PDE3B: variants seen among roughly 807,000 people sequenced by gnomAD.
PDE3B encodes the protein cGMP-inhibited 3',5'-cyclic phosphodiesterase 3B.
A neutral mutation model predicts 116.8 loss-of-function variants in PDE3B; 66 were observed. The ratio of observed to expected loss-of-function variants is 0.56; its 90% confidence interval spans 0.46 to 0.69. PDE3B has a LOEUF of 0.69. Ranked by LOEUF, PDE3B falls within the 30% of genes least tolerant of loss-of-function variation. The pLI is 0.00. For synonymous variants in PDE3B, 595 were observed against 533.6 expected, an observed-to-expected ratio of 1.12 and a Z score of -1.59; for missense variants, 1,384 against 1,368.1, an observed-to-expected ratio of 1.01 and a Z score of -0.18.
At chr11:14,793,987 A>C (rs1290117508) in intron 4 of PDE3B, among the ~76,000 whole-genome samples, 1 of 152,232 alleles carries the variant, frequency 6.6e-6, no homozygotes, top group Non-Finnish European at 1.5e-5. Flanking sequence ...TATCAAGTTT[A>C]TACAACTGCA....
chr11:14,871,125 G>A lies in PDE3B; in HGVS notation c.*1465G>A, dbSNP rs569550112. On this transcript the variant is annotated 3_prime_UTR_variant, in exon 16 of 16. Coordinates refer to ENST00000282096, the MANE Select transcript of PDE3B (RefSeq NM_000922.4). ...GGTAATTCCTTTAGAATATGGTATT[G>A]GCATGCAGTTTCTTACTTATCTAGA... 2.0e-5 allele frequency: 3 copies of A among 152,084 alleles called. No individual in the cohort carries two copies. The highest frequency in any genetic ancestry group is 4.4e-5 in the Non-Finnish European group (3 of 67,992). The allele number at this position is 152,084 out of a possible 1,614,324, so 9.4% of individuals were successfully genotyped here. A position where few individuals can be genotyped will look rare whatever the true frequency, so the allele number is the denominator to read the frequency against.
At chr11:14,761,532 T>G (rs926451352) in intron 1 of PDE3B, among the ~76,000 whole-genome samples, 1 of 152,186 alleles carries the variant, frequency 6.6e-6, no homozygotes, top group Non-Finnish European at 1.5e-5. Context: ...TTTCTCAAAA[T>G]GTAGTGTTAA....
chr11:14,644,670 C>T lies in PDE3B; in HGVS notation c.595C>T (p.Leu199=). The T allele has an allele frequency of 2.7e-6, 4 of 1,500,326 alleles. No homozygotes were observed. The highest frequency in any genetic ancestry group is 1.3e-5 in the South Asian group (1 of 76,130). The allele number at this position is 1,500,326 out of a possible 1,614,324, so 92.9% of individuals were successfully genotyped here. ...PPEAAAGRLL[L]VLSCVGLLLT... ...GGAGGCGGCAGCGGGCAGGTTGCTG[C>T]TGGTGCTGAGCTGCGTAGGGCTGCT... Residue 199 remains leucine, a synonymous_variant, in exon 1 of 16, where the codon CTG becomes TTG. Coordinates refer to ENST00000282096, the MANE Select transcript of PDE3B (RefSeq NM_000922.4).
At chr11:14,891,585 A>G in the PDE3B span, 420,141 of 1,032,324 alleles carry the variant, frequency 0.41, 88,335 homozygotes, top group Admixed American at 0.46. Context: ...AGCCGCGTGC[A>G]GCTTCCACAG....
rs192334444 is a variant in PDE3B at position 14,661,484 on chromosome 11, C to T, written c.978+16431C>T. Among the ~76,000 whole-genome samples the T allele has an allele frequency of 1.9e-3, 294 of 152,284 alleles. 1 individual carries two copies. Among genetic ancestry groups the T allele is most frequent in the African/African-American group, 6.4e-3 (265 of 41,582 alleles). ...GACAGTGGGTGCAGCGCACCGTGCA[C>T]GAGCCGAAGCAGGGTGAGGCATTGC... is the stretch of plus-strand genomic sequence containing the variant. On this transcript the variant is annotated intron_variant, in intron 1 of 15. Coordinates refer to ENST00000282096, the MANE Select transcript of PDE3B (RefSeq NM_000922.4).
At chr11:14,843,651 C>A (rs1237035196) in intron 11 of PDE3B, among the ~76,000 whole-genome samples, 176 bp from the exon 12 acceptor site, 1 of 152,126 alleles carries the variant, frequency 6.6e-6, no homozygotes, top group East Asian at 1.9e-4. Flanking sequence ...CTGTTCCTCT[C>A]TACTAACATG....
At chr11:14,672,834 G>C (rs1429695721) in intron 1 of PDE3B, among the ~76,000 whole-genome samples, 1 of 151,726 alleles carries the variant, frequency 6.6e-6, no homozygotes, top group African/African-American at 2.4e-5. Flanking sequence ...TATTCCACTG[G>C]TACTTAGTCA....
chr11:14,801,878 C>T (rs1027945541), intron 4 of PDE3B, among the ~76,000 whole-genome samples: 1 of 152,206 alleles, frequency 6.6e-6, no homozygotes, highest in African/African-American at 2.4e-5. Context: ...CCTTGCTGAG[C>T]TGCAGTGGGG....
chr11:14,656,338 G>A (rs1429742491), intron 1 of PDE3B, among the ~76,000 whole-genome samples: 1 of 152,114 alleles, frequency 6.6e-6, no homozygotes, highest in Non-Finnish European at 1.5e-5. Flanking sequence ...TAAGAACTAA[G>A]CATTTCTGTT....
intron 12 of PDE3B, among the ~76,000 whole-genome samples, chr11:14,855,244 A>AT (rs1484855077): frequency 6.6e-6 from 1 of 152,164 alleles, no homozygotes; most frequent in East Asian, 1.9e-4. Context: ...GAGTCTTTGG[A>AT]TTGAAGGGGC....
intron 1 of PDE3B, among the ~76,000 whole-genome samples, chr11:14,764,390 C>A (rs1857439738): frequency 6.6e-6 from 1 of 152,008 alleles, no homozygotes; most frequent in African/African-American, 2.4e-5. Flanking sequence ...CAGAGAAGGG[C>A]AAAAGATGGA....
rs557325451 is a variant in PDE3B, at chr11:14,663,131, A to G, written c.978+18078A>G. 5.7e-3 allele frequency among the ~76,000 whole-genome samples: 871 copies of G among 152,338 alleles called. 2 individuals are homozygous for G. Among genetic ancestry groups the G allele is most frequent in the Non-Finnish European group, 9.4e-3 (640 of 68,038 alleles). On this transcript the variant is annotated intron_variant, in intron 1 of 15. Transcript: ENST00000282096. Reference sequence around the variant, plus strand: ...TCTCTCAGCAGAAACTCTACAAGCCAGAAGAGAGTGGGGGCCAATATTCAA... The same window carrying G: ...TCTCTCAGCAGAAACTCTACAAGCCGGAAGAGAGTGGGGGCCAATATTCAA...
chr11:14,872,920 T>G (rs1848157902), downstream of PDE3B, among the ~76,000 whole-genome samples: 2 of 152,202 alleles, frequency 1.3e-5, no homozygotes, highest in Non-Finnish European at 2.9e-5. Flanking sequence ...ACCCATGTTG[T>G]TCAAGGGTCA....
intron 7 of PDE3B, among the ~76,000 whole-genome samples, chr11:14,824,612 A>G (rs936702693): frequency 1.3e-5 from 2 of 152,220 alleles, no homozygotes; most frequent in African/African-American, 4.8e-5. Context: ...AAAAGGAATG[A>G]GCAAAACCTC....
intron 1 of PDE3B, among the ~76,000 whole-genome samples, chr11:14,760,362 AT>A (rs1857324478): frequency 6.6e-6 from 1 of 152,236 alleles, no homozygotes; most frequent in Non-Finnish European, 1.5e-5. Context: ...TTAAACAATG[AT>A]TATGTGCTGC....
chr11:14,663,186 G>A (rs1289019925), intron 1 of PDE3B, among the ~76,000 whole-genome samples: 3 of 151,090 alleles, frequency 2.0e-5, no homozygotes, highest in Non-Finnish European at 2.9e-5. Context: ...TTTCAACCCA[G>A]AATTTCATAT....
At chr11:14,890,838 G>A in the PDE3B span, 3 of 984,324 alleles carry the variant, frequency 3.0e-6, no homozygotes, top group East Asian at 1.1e-4. Flanking sequence ...GTGAGCCACC[G>A]CGCCCGGGCA....
chr11:14,651,568 C>T (rs543515962), intron 1 of PDE3B, among the ~76,000 whole-genome samples: 1 of 152,206 alleles, frequency 6.6e-6, no homozygotes, highest in Admixed American at 6.5e-5. Context: ...GATCCACATT[C>T]TTATCAACCA....
chr11:14,875,244 C>T (rs1555009560), downstream of PDE3B, among the ~76,000 whole-genome samples: 1 of 152,128 alleles, frequency 6.6e-6, no homozygotes, highest in Non-Finnish European at 1.5e-5. Flanking sequence ...AGAATGGGCT[C>T]CCATCTCCAC....
Sources: allele counts gnomAD v4.1 joint callset (sites outside exome capture counted in the v4.1 genomes callset), GRCh38; gene constraint gnomAD v4.1.1; transcripts MANE v1.5; gene names NCBI Gene and HGNC (gene_info 2026-07-23, HGNC 2026-07-21).